The following ERBB4 variants were observed in gnomAD, a reference collection of about 807,000 sequenced individuals.
The protein encoded by ERBB4 is erb-b2 receptor tyrosine kinase 4.
In ERBB4, 42 loss-of-function variants were observed where a neutral mutation model predicts 158.0. The observed-to-expected ratio is 0.27, with a 90% CI of 0.21 to 0.34. ERBB4 has a LOEUF of 0.34. Ranked by LOEUF, ERBB4 falls within the 10% of genes least tolerant of loss-of-function variation. The pLI, the probability that ERBB4 is intolerant of heterozygous loss-of-function variation, is 1.00. For missense variants in ERBB4, 1,333 were observed against 1,624.1 expected, an observed-to-expected ratio of 0.82 and a Z score of 3.08; for synonymous variants, 583 against 558.7, an observed-to-expected ratio of 1.04 and a Z score of -0.61.
intron 2 of ERBB4, among the ~76,000 whole-genome samples, chr2:212,022,808 A>C (rs1190036371): frequency 1.3e-5 from 2 of 152,106 alleles, no homozygotes; most frequent in Non-Finnish European, 2.9e-5. Context: ...GAAATAATTC[A>C]TTTCTTCAGG....
chr2:212,219,134 T>C (rs988943488), intron 1 of ERBB4, among the ~76,000 whole-genome samples: 2 of 151,388 alleles, frequency 1.3e-5, no homozygotes, highest in Non-Finnish European at 3.0e-5. Context: ...AGTTTACAGA[T>C]TACAATCTAA....
intron 2 of ERBB4, among the ~76,000 whole-genome samples, chr2:211,970,988 AGT>A (rs1333361857): frequency 6.6e-6 from 1 of 152,094 alleles, no homozygotes; most frequent in Non-Finnish European, 1.5e-5. Context: ...TGTGTACTTC[AGT>A]GTGTTTCTGT....
At chr2:211,673,604 G>T (rs2071937010) in intron 13 of ERBB4, among the ~76,000 whole-genome samples, 2 of 144,618 alleles carry the variant, frequency 1.4e-5, no homozygotes, top group East Asian at 3.9e-4. Flanking sequence ...TGCCTGTTTT[G>T]TCTTTATATA....
chr2:211,914,010 GA>G (rs1207965620), intron 3 of ERBB4, among the ~76,000 whole-genome samples: 1 of 129,796 alleles, frequency 7.7e-6, no homozygotes, highest in Non-Finnish European at 1.6e-5. Context: ...ACAAGAAATA[GA>G]ATTTGAGAGC....
intron 20 of ERBB4, among the ~76,000 whole-genome samples, chr2:211,501,679 C>T (rs573957837): frequency 3.7e-4 from 56 of 152,060 alleles, no homozygotes; most frequent in African/African-American, 1.3e-3. Flanking sequence ...AATTACAATG[C>T]ATATAACCTC....
intron 3 of ERBB4, among the ~76,000 whole-genome samples, chr2:211,794,452 T>C (rs1333901024): frequency 6.6e-6 from 1 of 151,966 alleles, no homozygotes; most frequent in Non-Finnish European, 1.5e-5. Flanking sequence ...TACACCTCTT[T>C]GTGTCCCTAG....
intron 1 of ERBB4, among the ~76,000 whole-genome samples, chr2:212,131,487 T>C (rs1417723020): frequency 1.3e-5 from 2 of 152,164 alleles, no homozygotes; most frequent in African/African-American, 2.4e-5. Flanking sequence ...TTTCCAAACA[T>C]TGTGCTCTAC....
chr2:212,006,257 T>A (rs2076257065), intron 2 of ERBB4, among the ~76,000 whole-genome samples: 1 of 152,138 alleles, frequency 6.6e-6, no homozygotes. Context: ...TATTTCAATA[T>A]ATAAATAAAC....
chr2:212,345,676 T>C lies in ERBB4; in HGVS notation c.82+192773A>G, dbSNP rs1441663208. On this transcript the variant is annotated intron_variant, in intron 1 of 27. Transcript: ENST00000342788. ...TCTCTATTAACAGCTAAATTTGAAATGATATACTAAAATCACATAAGGGGA... is the reference window on the plus strand; with the variant it reads ...TCTCTATTAACAGCTAAATTTGAAACGATATACTAAAATCACATAAGGGGA... 1.3e-5 allele frequency among the ~76,000 whole-genome samples: 2 copies of C among 152,198 alleles called. 1 individual carries two copies. Among genetic ancestry groups the C allele is most frequent in the Non-Finnish European group, 2.9e-5 (2 of 68,028 alleles).
intron 1 of ERBB4, among the ~76,000 whole-genome samples, chr2:212,414,126 A>T (rs918407226): frequency 6.6e-6 from 1 of 152,140 alleles, no homozygotes; most frequent in South Asian, 2.1e-4. Context: ...TTCAAAAACA[A>T]CTTTGCATAT....
At chr2:212,456,637 A>T (rs1018543618) in intron 1 of ERBB4, among the ~76,000 whole-genome samples, 1 of 151,972 alleles carries the variant, frequency 6.6e-6, no homozygotes, top group Non-Finnish European at 1.5e-5. Flanking sequence ...GGAGTTTTTA[A>T]ATGTAGAACT....
intron 2 of ERBB4, among the ~76,000 whole-genome samples, chr2:211,990,981 C>A (rs2082061251): frequency 6.6e-6 from 1 of 151,730 alleles, no homozygotes. Context: ...CAAATTTTAG[C>A]ATACATAATT....
At chr2:211,851,655 C>T (rs1051030249) in intron 3 of ERBB4, among the ~76,000 whole-genome samples, 5 of 151,820 alleles carry the variant, frequency 3.3e-5, no homozygotes, top group South Asian at 2.1e-4. Flanking sequence ...ATAAGGATCA[C>T]GTGGTATATT....
At chr2:211,394,606 A>T (rs2062872048) in intron 25 of ERBB4, among the ~76,000 whole-genome samples, 1 of 152,118 alleles carries the variant, frequency 6.6e-6, no homozygotes, top group South Asian at 2.1e-4. Flanking sequence ...ATGCTTAAGA[A>T]CATCTAGTTC....
intron 20 of ERBB4, among the ~76,000 whole-genome samples, chr2:211,517,208 TA>T (rs1174031021): frequency 3.3e-5 from 5 of 152,090 alleles, no homozygotes; most frequent in South Asian, 2.1e-4. Context: ...TTTCTAATCA[TA>T]AAAATAAGAC....
chr2:212,417,014 C>T (rs1039766940), intron 1 of ERBB4, among the ~76,000 whole-genome samples: 1 of 151,914 alleles, frequency 6.6e-6, no homozygotes, highest in Non-Finnish European at 1.5e-5. Flanking sequence ...AAAAAGTATA[C>T]TACCTAAAGG....
chr2:212,487,897 C>T (rs1690061453), intron 1 of ERBB4, among the ~76,000 whole-genome samples: 1 of 152,130 alleles, frequency 6.6e-6, no homozygotes, highest in South Asian at 2.1e-4. Context: ...GCTCCACTTA[C>T]TTTCTAGCTT....
rs745784170 is a variant in ERBB4, at chr2:211,377,300, C to T, written c.*6315G>A. ...GCTATAGGCCTGGGGGAAATATCTA[C>T]GCATTGGGGATAAAAATAGCAGTAA... On this transcript the variant is annotated 3_prime_UTR_variant, in exon 28 of 28. Transcript: ENST00000342788. 7 of 233,122 alleles carry T rather than the reference C, an allele frequency of 3.0e-5. No individual in the cohort carries two copies. Among genetic ancestry groups the T allele is most frequent in the South Asian group, 3.6e-4 (2 of 5,530 alleles). 14.4% of individuals were successfully genotyped at this position (233,122 alleles called of 1,614,324 possible).
At chr2:212,191,531 TATATATA>T (rs1172323616) in intron 1 of ERBB4, among the ~76,000 whole-genome samples, 3 of 128,186 alleles carry the variant, frequency 2.3e-5, no homozygotes, top group South Asian at 2.7e-4. Flanking sequence ...TTATACCTGT[TATATATA>T]ACACATGTGT....
Sources: allele counts gnomAD v4.1 joint callset (sites outside exome capture counted in the v4.1 genomes callset), GRCh38; gene constraint gnomAD v4.1.1; transcripts MANE v1.5; gene names NCBI Gene and HGNC (gene_info 2026-07-23, HGNC 2026-07-21).